Variants in SMARCA5 observed in about 807,000 individuals in gnomAD.
SMARCA5 encodes the protein SWI/SNF-related matrix-associated actin-dependent regulator of chromatin subfamily A member 5.
In SMARCA5, 18 loss-of-function variants were observed where a neutral mutation model predicts 140.4. The observed-to-expected ratio is 0.13, with a 90% CI of 0.09 to 0.19. The LOEUF (loss-of-function observed/expected upper bound fraction) is 0.19. Among genes scored for constraint, SMARCA5 ranks in the 10% least tolerant of loss-of-function variants. The pLI is 1.00. For synonymous variants in SMARCA5, 449 were observed against 419.6 expected (o/e 1.07, Z -0.86); for missense variants, 606 against 1,276.8 (o/e 0.47, Z 8.01).
chr4:143,522,044 T>G (rs944222044), intron 3 of SMARCA5, among the ~76,000 whole-genome samples: 2 of 152,106 alleles, frequency 1.3e-5, no homozygotes, highest in African/African-American at 4.8e-5. Context: ...AGAGGTTAAG[T>G]GGCTTGTTTA....
In SMARCA5 at chr4:143,525,638, G is replaced by A. The variant is rs1440984211; in HGVS notation, c.621+87G>A. 13 of 854,370 alleles carry A rather than the reference G, an allele frequency of 1.5e-5. No individual in the cohort carries two copies. The East Asian group carries it at 3.0e-4, about 20-fold the overall frequency. 52.9% of individuals were successfully genotyped at this position (854,370 alleles called of 1,614,324 possible). A position where few individuals can be genotyped will look rare whatever the true frequency, so the allele number is the denominator to read the frequency against. On this transcript the variant is annotated intron_variant, in intron 5 of 23. Coordinates refer to ENST00000283131, the MANE Select transcript of SMARCA5 (RefSeq NM_003601.4). ...TAAAAGTTTCTTACAGTCTACAACTGTTAGCAAATGGATCCTCTCAGAAAC... is the reference window on the plus strand; with the variant it reads ...TAAAAGTTTCTTACAGTCTACAACTATTAGCAAATGGATCCTCTCAGAAAC...
rs199652162 is a variant in SMARCA5 at position 143,544,008 on chromosome 4, T to G, written c.2172+36T>G. 8.5e-4 allele frequency: 1,222 copies of G among 1,439,328 alleles called. 2 individuals carry two copies. The highest frequency in any genetic ancestry group is 1.0e-3 in the Non-Finnish European group (1,095 of 1,084,318). 89.2% of individuals were successfully genotyped at this position (1,439,328 alleles called of 1,614,324 possible). ...AATAGGTTTGGGTTACATGAAAGCT[T>G]TATTTTACTGGAAACTTGGAATTTT... On this transcript the variant is annotated intron_variant, in intron 16 of 23. Coordinates refer to ENST00000283131, the MANE Select transcript of SMARCA5 (RefSeq NM_003601.4).
Position 143,547,937 on chromosome 4 carries a change from T to A in SMARCA5, c.2782T>A (p.Tyr928Asn). 6.3e-7 allele frequency: 1 copy of A among 1,594,112 alleles called. No individual in the cohort carries two copies. The highest frequency in any genetic ancestry group is 1.1e-5 in the South Asian group (1 of 89,650). Residue 928 changes from tyrosine to asparagine, a missense_variant, in exon 22 of 24, where the codon TAC (tyrosine) becomes AAC (asparagine). Physicochemically the swap from Tyr to Asn is moderately radical, Grantham distance 143. This residue lies in a region of SMARCA5 where 121 missense variants were observed against 227.1 expected (regional missense o/e 0.53). Transcript: ENST00000283131. ...KKALDTKIGR[Y>N]KAPFHQLRIS... The stretch of plus-strand genomic sequence containing the variant: ...AATCTGACTTTCATAGATTGGACGG[T>A]ACAAAGCACCTTTTCATCAGCTGAG...
In SMARCA5 at chr4:143,513,956, C is replaced by T; in HGVS notation, c.32C>T (p.Pro11Leu). The T allele has an allele frequency of 6.4e-7, 1 of 1,552,126 alleles. No individual in the cohort carries two copies. The highest frequency in any genetic ancestry group is 1.4e-5 in the African/African-American group (1 of 73,520). The change falls in exon 1 of 24, where the codon CCG becomes CTG. Residue 11 changes from proline to leucine, a missense_variant. Pro to Leu is a moderately conservative substitution (Grantham distance 98). Transcript: ENST00000283131. MSSAAEPPPP[P>L]PPESAPSKPA... is the part of the protein sequence containing the mutation. ...TCCGCGGCCGAGCCTCCGCCACCCC[C>T]GCCTCCCGAGAGCGCGCCTTCCAAG...
rs112834245 is a variant in SMARCA5 at position 143,521,452 on chromosome 4, C to T, written c.276C>T (p.Phe92=). Reference sequence around the variant, plus strand: ...AGCAAACTGACCGGGCAAATAGATTCGAGTATTTATTAAAGCAGACAGAAC... The same window carrying T: ...AGCAAACTGACCGGGCAAATAGATTTGAGTATTTATTAAAGCAGACAGAAC... ...EKMQTDRANR[F]EYLLKQTELF... Residue 92 remains phenylalanine, a synonymous_variant, in exon 3 of 24, where the codon TTC becomes TTT. Coordinates refer to ENST00000283131, the MANE Select transcript of SMARCA5 (RefSeq NM_003601.4). 5.4e-3 allele frequency: 8,696 copies of T among 1,606,132 alleles called. 35 individuals are homozygous for T. The highest frequency in any genetic ancestry group is 5.7e-3 in the Non-Finnish European group (6,680 of 1,176,450).
Position 143,550,032 on chromosome 4 carries a change from G to A in SMARCA5, c.3021G>A (p.Leu1007=). 6.3e-7 allele frequency: 1 copy of A among 1,595,918 alleles called. No individual in the cohort carries two copies. Among genetic ancestry groups the A allele is most frequent in the East Asian group, 2.2e-5 (1 of 44,598 alleles). The change falls in exon 23 of 24, where the codon TTG becomes TTA. Residue 1007 remains leucine, a synonymous_variant. Transcript: ENST00000283131. ...LQRRCNTLIT[L]IERENMELEE... ...GGAGATGTAATACCTTAATTACTTT[G>A]ATTGAAAGAGAAAACATGGAACTAG...
In SMARCA5 at chr4:143,538,916, C is replaced by CTACCATAG; in HGVS notation, c.1748_1749insTACCATAG (p.Gln584ThrfsTer5). 1 of 1,613,734 alleles carries CTACCATAG rather than the reference C, an allele frequency of 6.2e-7. No individual in the cohort carries two copies. Among genetic ancestry groups the CTACCATAG allele is most frequent in the Non-Finnish European group, 8.5e-7 (1 of 1,179,804 alleles). ...ATTTTGTATGATTCTGATTGGAATCCCCAAGTAGATCTTCAGGCTATGGTA... is the reference window on the plus strand; with the variant it reads ...ATTTTGTATGATTCTGATTGGAATCCTACCATAGCCAAGTAGATCTTCAGGCTATGGTA... On this transcript the variant is annotated frameshift_variant, in exon 13 of 24. Transcript: ENST00000283131. LOFTEE classifies it high-confidence loss of function.
intron 4 of SMARCA5, among the ~76,000 whole-genome samples, 183 bp downstream of exon 4, chr4:143,524,650 T>C (rs1737030930): frequency 6.6e-6 from 1 of 152,222 alleles, no homozygotes; most frequent in African/African-American, 2.4e-5. Context: ...ATAGTAGTGC[T>C]GTATTTCAAA....
intron 2 of SMARCA5, among the ~76,000 whole-genome samples, chr4:143,519,672 C>G (rs1352806047): frequency 6.6e-6 from 1 of 152,112 alleles, no homozygotes; most frequent in Non-Finnish European, 1.5e-5. Flanking sequence ...TAGTTCTAAC[C>G]ATAGATAAGT....
At chr4:143,538,487 G>C (rs759437389) in intron 11 of SMARCA5, 103 bp from the exon 12 acceptor site, 6 of 882,626 alleles carry the variant, frequency 6.8e-6, no homozygotes, top group Non-Finnish European at 1.0e-5. Flanking sequence ...AACCAAGTAG[G>C]TAGCTTTGGA....
In SMARCA5 at chr4:143,527,929, A is replaced by G; in HGVS notation, c.863A>G (p.Glu288Gly). Reference sequence around the variant, plus strand: ...TGGGATGTATGTGTAACATCTTATGAAATGCTTATTAAAGAGAAGTCTGTG... The same window carrying G: ...TGGGATGTATGTGTAACATCTTATGGAATGCTTATTAAAGAGAAGTCTGTG... ...GEWDVCVTSY[E>G]MLIKEKSVFK... The change falls in exon 7 of 24, where the codon GAA becomes GGA. Residue 288 changes from glutamate to glycine, a missense_variant. Physicochemically the swap from Glu to Gly is moderately conservative, Grantham distance 98. Coordinates refer to ENST00000283131, the MANE Select transcript of SMARCA5 (RefSeq NM_003601.4). 1 of 1,604,078 alleles carries G rather than the reference A, an allele frequency of 6.2e-7. No homozygotes were observed. The highest frequency in any genetic ancestry group is 8.5e-7 in the Non-Finnish European group (1 of 1,177,098).
At chr4:143,540,294 G>A (rs1737403476) in intron 13 of SMARCA5, 69 bp from the exon 14 acceptor site, 7 of 1,244,976 alleles carry the variant, frequency 5.6e-6, no homozygotes, top group Non-Finnish European at 7.8e-6. Context: ...TTTTTTCTCA[G>A]TGTACCCATT....
rs747530633 is a variant in SMARCA5 at position 143,534,912 on chromosome 4, C to T, written c.1216C>T (p.Pro406Ser). The T allele has an allele frequency of 6.2e-7, 1 of 1,613,134 alleles. No homozygotes were observed. The highest frequency in any genetic ancestry group is 1.3e-5 in the African/African-American group (1 of 74,846). Residue 406 changes from proline to serine, a missense_variant, in exon 10 of 24, where the codon CCA (proline) becomes TCA (serine). Pro to Ser is a moderately conservative substitution (Grantham distance 74). Around this residue, in one of 10 missense-constraint regions of SMARCA5, gnomAD observed 25 missense variants for 108.7 expected, o/e 0.23. Coordinates refer to ENST00000283131, the MANE Select transcript of SMARCA5 (RefSeq NM_003601.4). Reference protein sequence around the residue: ...IKADVEKSLPPKKEVKIYVGL... With the variant: ...IKADVEKSLPSKKEVKIYVGL... ...GGCTGATGTTGAAAAGAGTTTGCCT[C>T]CAAAGAAGGAAGTAAAAATCTATGT...
intron 9 of SMARCA5, among the ~76,000 whole-genome samples, chr4:143,532,850 T>C (rs542184760): frequency 9.2e-5 from 14 of 152,306 alleles, no homozygotes; most frequent in Admixed American, 9.2e-4. Context: ...TACATTTATT[T>C]AGCTGGACAA....
intron 8 of SMARCA5, among the ~76,000 whole-genome samples, chr4:143,529,538 A>C (rs1312217902): frequency 1.3e-5 from 2 of 152,214 alleles, no homozygotes; most frequent in Admixed American, 1.3e-4. Flanking sequence ...AGTAATGGTT[A>C]ATTAGCTATT....
At chr4:143,525,632 A>G (rs1737053209) in intron 5 of SMARCA5, 81 bp downstream of exon 5, 3 of 947,850 alleles carry the variant, frequency 3.2e-6, no homozygotes, top group Non-Finnish European at 5.1e-6. Flanking sequence ...CTTACAGTCT[A>G]CAACTGTTAG....
intron 14 of SMARCA5, 134 bp from the exon 15 acceptor site, chr4:143,543,375 T>G: frequency 1.3e-6 from 1 of 744,552 alleles, no homozygotes. Context: ...TTATTAGATG[T>G]GAATAAACAG....
chr4:143,555,656 T>C lies in SMARCA5; in HGVS notation c.*2472T>C. ...GGAGGCTATTATAAAGTGTAATTAT[T>C]ACTACTTTTAAGAGACAGGGTCTTG... is the stretch of plus-strand genomic sequence containing the variant. On this transcript the variant is annotated 3_prime_UTR_variant, in exon 24 of 24. Coordinates refer to ENST00000283131, the MANE Select transcript of SMARCA5 (RefSeq NM_003601.4). 1 of 242,766 alleles carries C rather than the reference T, an allele frequency of 4.1e-6. No homozygotes were observed. Among genetic ancestry groups the C allele is most frequent in the Non-Finnish European group, 8.1e-6 (1 of 124,020 alleles). The allele number at this position is 242,766 out of a possible 1,614,324, so 15.0% of individuals were successfully genotyped here. A position where few individuals can be genotyped will look rare whatever the true frequency, so the allele number is the denominator to read the frequency against.
In SMARCA5 at chr4:143,546,786, A is replaced by G. The variant is rs779874652; in HGVS notation, c.2531A>G (p.Asn844Ser). ...KEKLLTQGFT[N>S]WNKRDFNQFI... ...TCTGTTCCTGTGAAGGGATTTACCA[A>G]TTGGAATAAGAGAGATTTTAACCAG... is the stretch of plus-strand genomic sequence containing the variant. Residue 844 changes from asparagine (N) to serine (S), a missense_variant, in exon 20 of 24, where the codon AAT becomes AGT. By Grantham distance (46) the Asn-to-Ser change is conservative. Coordinates refer to ENST00000283131, the MANE Select transcript of SMARCA5 (RefSeq NM_003601.4). 3.0e-5 allele frequency: 48 copies of G among 1,608,774 alleles called. No individual in the cohort carries two copies. The Middle Eastern group carries it at 5.0e-4, about 17-fold the overall frequency.
Sources: gnomAD v4.1 joint callset for allele counts (sites outside exome capture counted in the v4.1 genomes callset) on GRCh38, gnomAD v4.1.1 for gene constraint, gnomAD v4.1.1 regional missense constraint, MANE v1.5 for transcripts, NCBI Gene and HGNC (gene_info 2026-07-23, HGNC 2026-07-21) for gene names.